The following PTPRN2 variants were observed in gnomAD, a reference collection of about 807,000 sequenced individuals.
The protein encoded by PTPRN2 is receptor-type tyrosine-protein phosphatase N2.
A neutral mutation model predicts 118.8 loss-of-function variants in PTPRN2; 74 were observed. That is an observed-to-expected ratio of 0.62 (90% CI 0.52 to 0.76). The LOEUF is 0.76. PTPRN2 is among the 30% of genes least tolerant of loss of function. PTPRN2 has a pLI of 0.00. For missense variants in PTPRN2, 1,481 were observed against 1,394.4 expected (o/e 1.06, Z -0.99); for synonymous variants, 641 against 608.0 (o/e 1.05, Z -0.80).
chr7:157,810,424 G>C (rs1300705592), intron 12 of PTPRN2, among the ~76,000 whole-genome samples: 1 of 151,884 alleles, frequency 6.6e-6, no homozygotes, highest in Non-Finnish European at 1.5e-5. Flanking sequence ...GCTGGGCACA[G>C]GCTCTCCACG....
intron 9 of PTPRN2, among the ~76,000 whole-genome samples, chr7:158,119,716 A>G (rs1817000294): frequency 6.6e-6 from 1 of 152,130 alleles, no homozygotes. Flanking sequence ...CTCATACTCT[A>G]ATTTATAAAT....
chr7:158,086,897 T>C (rs1378466924), intron 10 of PTPRN2, among the ~76,000 whole-genome samples: 2 of 152,220 alleles, frequency 1.3e-5, no homozygotes, highest in Non-Finnish European at 2.9e-5. Context: ...TATTATCTTC[T>C]TCACATTTTT....
At chr7:157,829,044 T>G (rs1807375379) in intron 12 of PTPRN2, among the ~76,000 whole-genome samples, 1 of 152,254 alleles carries the variant, frequency 6.6e-6, no homozygotes, top group Admixed American at 6.5e-5. Flanking sequence ...GCACTTGGAG[T>G]TCTTCCTTCC....
rs1802717222 is a variant in PTPRN2 at position 157,615,621 on chromosome 7, C to A, written c.2344+5741G>T. On this transcript the variant is annotated intron_variant, in intron 15 of 22. Coordinates refer to ENST00000389418, the MANE Select transcript of PTPRN2 (RefSeq NM_002847.5). The surrounding 1 kb of genome is among the most constrained non-coding windows in gnomAD (Gnocchi z 4.3). The stretch of plus-strand genomic sequence containing the variant: ...GCGTCACGGGGGAGGATTGGCTCAG[C>A]ACTGGTCCTGCGGAATGTGTTTTTA... 2.1e-6 allele frequency: 1 copy of A among 470,900 alleles called. No individual in the cohort carries two copies. Among genetic ancestry groups the A allele is most frequent in the Admixed American group, 2.3e-5 (1 of 42,566 alleles). The allele number at this position is 470,900 out of a possible 1,614,324, so 29.2% of individuals were successfully genotyped here.
chr7:157,917,919 G>C (rs1320948001), intron 11 of PTPRN2, among the ~76,000 whole-genome samples: 3 of 152,072 alleles, frequency 2.0e-5, no homozygotes, highest in Non-Finnish European at 2.9e-5. Context: ...GATGTAATTG[G>C]CTTTCCCAAC....
At chr7:158,148,539 T>A (rs368370391) in intron 6 of PTPRN2, among the ~76,000 whole-genome samples, 14 of 99,946 alleles carry the variant, frequency 1.4e-4, no homozygotes, top group South Asian at 3.6e-4. Flanking sequence ...GCCACAGGTC[T>A]TTCCCCCTCA....
At chr7:157,654,575 C>T (rs542695085) in intron 14 of PTPRN2, among the ~76,000 whole-genome samples, 8 of 152,298 alleles carry the variant, frequency 5.3e-5, no homozygotes, top group East Asian at 1.9e-4. Flanking sequence ...GACCCCGTCA[C>T]GGTGTGTGGC....
chr7:158,170,654 G>A (rs146199994), intron 5 of PTPRN2, among the ~76,000 whole-genome samples: 1 of 152,314 alleles, frequency 6.6e-6, no homozygotes, highest in East Asian at 1.9e-4. Context: ...GCAGACACTG[G>A]GGTGTTTCTC....
At chr7:157,789,077 G>A (rs1245452304) in intron 12 of PTPRN2, among the ~76,000 whole-genome samples, 2 of 152,226 alleles carry the variant, frequency 1.3e-5, no homozygotes, top group Non-Finnish European at 2.9e-5. Context: ...ATTAGAGAGC[G>A]TCACAAAAAT....
chr7:157,626,840 G>T (rs1803609802), intron 14 of PTPRN2, among the ~76,000 whole-genome samples: 1 of 152,182 alleles, frequency 6.6e-6, no homozygotes, highest in Admixed American at 6.5e-5. Context: ...AAACTTGGAA[G>T]AACTTCTCCA....
chr7:157,650,647 C>T (rs761657307), intron 14 of PTPRN2, among the ~76,000 whole-genome samples: 5 of 152,182 alleles, frequency 3.3e-5, no homozygotes, highest in Admixed American at 6.5e-5. Flanking sequence ...CCGTCAACCA[C>T]GTGGGAACGA....
At chr7:157,552,145 C>T (rs1798664721) in intron 21 of PTPRN2, among the ~76,000 whole-genome samples, 3 of 152,106 alleles carry the variant, frequency 2.0e-5, no homozygotes, top group Admixed American at 1.3e-4. Flanking sequence ...ACCCCACAGC[C>T]ACCGTGTACC....
chr7:157,588,261 AG>A (rs570409576), intron 17 of PTPRN2, among the ~76,000 whole-genome samples: 1 of 152,240 alleles, frequency 6.6e-6, no homozygotes, highest in Non-Finnish European at 1.5e-5. Flanking sequence ...AAAATAGGAA[AG>A]GGGGGATGGC....
At chr7:158,123,813 T>G (rs1327425806) in intron 9 of PTPRN2, among the ~76,000 whole-genome samples, 1 of 152,186 alleles carries the variant, frequency 6.6e-6, no homozygotes, top group Non-Finnish European at 1.5e-5. Context: ...GATCGGGAAG[T>G]GCCTCCAGCA....
intron 13 of PTPRN2, 72 bp from the exon 14 acceptor site, chr7:157,656,623 A>ACCCACG: frequency 7.4e-7 from 1 of 1,354,936 alleles, no homozygotes; most frequent in Admixed American, 2.0e-5. Context: ...GGGCCACGGC[A>ACCCACG]CCCACGTGGC....
At chr7:158,571,078 T>G (rs1471673704) in intron 1 of PTPRN2, among the ~76,000 whole-genome samples, 1 of 152,204 alleles carries the variant, frequency 6.6e-6, no homozygotes, top group Admixed American at 6.5e-5. Context: ...TTATTTCATT[T>G]GATTTTATTT....
intron 2 of PTPRN2, among the ~76,000 whole-genome samples, chr7:158,389,379 G>A (rs1348674113): frequency 1.3e-5 from 2 of 152,242 alleles, no homozygotes; most frequent in Non-Finnish European, 2.9e-5. Context: ...TTTAAGCTCT[G>A]AAATGCAAGT....
intron 13 of PTPRN2, among the ~76,000 whole-genome samples, chr7:157,661,708 G>T (rs916634449): frequency 1.3e-5 from 2 of 152,226 alleles, no homozygotes; most frequent in Non-Finnish European, 2.9e-5. Context: ...GGTGGAGGAG[G>T]TGTCTGGGGC....
chr7:158,063,985 TCA>T (rs1563378883), intron 11 of PTPRN2, among the ~76,000 whole-genome samples: 1 of 151,972 alleles, frequency 6.6e-6, no homozygotes, highest in African/African-American at 2.4e-5. Context: ...ATACAATCAC[TCA>T]CACACACAGT....
Sources: gnomAD v4.1 joint callset for allele counts (sites outside exome capture counted in the v4.1 genomes callset) on GRCh38, gnomAD v4.1.1 for gene constraint, Gnocchi (gnomAD v3.1) non-coding constraint, MANE v1.5 for transcripts, NCBI Gene and HGNC (gene_info 2026-07-23, HGNC 2026-07-21) for gene names.